The following TOX2 variants were observed in gnomAD, a reference collection of about 807,000 sequenced individuals.
TOX2 encodes granulosa cell HMG box 1.
A neutral mutation model predicts 47.4 loss-of-function variants in TOX2; 15 were observed. The observed-to-expected ratio is 0.32, with a 90% CI of 0.21 to 0.49. The LOEUF is 0.49. Among genes scored for constraint, TOX2 ranks in the 20% least tolerant of loss-of-function variants. TOX2 has a pLI of 0.99. For synonymous variants in TOX2, 290 were observed against 296.6 expected (o/e 0.98, Z 0.23); for missense variants, 622 against 673.1 (o/e 0.92, Z 0.84).
chr20:44,059,875 A>G (rs2071686291), intron 5 of TOX2, among the ~76,000 whole-genome samples: 1 of 152,214 alleles, frequency 6.6e-6, no homozygotes, highest in Admixed American at 6.5e-5. Flanking sequence ...TTGGGCAACA[A>G]ATAGCACAAC....
intron 3 of TOX2, among the ~76,000 whole-genome samples, chr20:44,022,080 AG>A (rs1368490020): frequency 6.6e-6 from 1 of 152,214 alleles, no homozygotes; most frequent in Non-Finnish European, 1.5e-5. Flanking sequence ...CCACAGCACA[AG>A]TGAGCAATGG....
At chr20:44,052,321 A>G (rs181541644) in intron 4 of TOX2, among the ~76,000 whole-genome samples, 11 of 152,330 alleles carry the variant, frequency 7.2e-5, no homozygotes, top group Non-Finnish European at 1.5e-4. Context: ...GTGAGAGAAC[A>G]TCTTGTCTTA....
rs768565328 is a variant in TOX2, at chr20:44,065,867, C to G, written c.1116C>G (p.Ser372Arg). 1.2e-6 allele frequency: 2 copies of G among 1,613,526 alleles called. No homozygotes were observed. Among genetic ancestry groups the G allele is most frequent in the Admixed American group, 3.3e-5 (2 of 59,976 alleles). ...QAFRSGASPA[S>R]LARTLGSKSL... ...TCCGCAGTGGGGCCTCCCCTGCCAG[C>G]CTCGCCCGGACGCTGGGCTCCAAGT... The change falls in exon 7 of 9, where the codon AGC becomes AGG. Residue 372 changes from serine to arginine, a missense_variant. Around this residue, in one of 3 missense-constraint regions of TOX2, gnomAD observed 294 missense variants for 300.0 expected, o/e 0.98. Coordinates refer to ENST00000341197, the MANE Select transcript of TOX2 (RefSeq NM_001098797.2).
At chr20:43,937,186 A>G (rs2069337290) in intron 1 of TOX2, among the ~76,000 whole-genome samples, 1 of 152,188 alleles carries the variant, frequency 6.6e-6, no homozygotes, top group Non-Finnish European at 1.5e-5. Context: ...CAGGCAGGGA[A>G]GAGCACGCGC....
intron 3 of TOX2, among the ~76,000 whole-genome samples, chr20:44,026,228 G>T (rs1302704031): frequency 1.8e-4 from 11 of 60,254 alleles, no homozygotes; most frequent in Admixed American, 7.9e-4. Context: ...AAGAAACTGT[G>T]ATATATATAT....
chr20:44,059,476 T>C (rs1326047118), intron 5 of TOX2, among the ~76,000 whole-genome samples: 2 of 152,196 alleles, frequency 1.3e-5, no homozygotes, highest in African/African-American at 4.8e-5. Flanking sequence ...TCCCTGGCCT[T>C]GCTAGAGATC....
intron 3 of TOX2, among the ~76,000 whole-genome samples, chr20:44,041,503 G>T (rs1055528318): frequency 2.6e-5 from 4 of 152,116 alleles, no homozygotes; most frequent in Non-Finnish European, 4.4e-5. Flanking sequence ...CCATGTTTTT[G>T]CTGGTTTTTA....
chr20:43,999,471 T>A (rs1326913445), intron 2 of TOX2, among the ~76,000 whole-genome samples: 3 of 152,056 alleles, frequency 2.0e-5, no homozygotes, highest in Non-Finnish European at 4.4e-5. Context: ...TAAAAAAAAA[T>A]TCCATATATA....
intron 2 of TOX2, among the ~76,000 whole-genome samples, chr20:44,006,215 G>C (rs1382192833): frequency 6.6e-6 from 1 of 152,174 alleles, no homozygotes; most frequent in African/African-American, 2.4e-5. Context: ...CTGTGAAATG[G>C]GTGGGCAGGA....
intron 3 of TOX2, among the ~76,000 whole-genome samples, chr20:44,022,094 G>A (rs1024776987): frequency 1.3e-5 from 2 of 152,220 alleles, no homozygotes; most frequent in African/African-American, 2.4e-5. Flanking sequence ...AGCAATGGCC[G>A]GCCGATGACG....
At chr20:44,015,425 G>C (rs2070862858) in intron 3 of TOX2, among the ~76,000 whole-genome samples, 1 of 152,090 alleles carries the variant, frequency 6.6e-6, no homozygotes, top group Non-Finnish European at 1.5e-5. Flanking sequence ...AATCATTATG[G>C]AAACAGAGAC....
At chr20:44,054,555 C>A (rs1432396588) in intron 5 of TOX2, 29 bp downstream of exon 5, 2 of 1,601,190 alleles carry the variant, frequency 1.2e-6, no homozygotes, top group Non-Finnish European at 1.7e-6. Flanking sequence ...CTGGGCCATC[C>A]CCTGAGGCTT....
chr20:44,036,172 C>T (rs867627085), intron 3 of TOX2, among the ~76,000 whole-genome samples: 8 of 152,154 alleles, frequency 5.3e-5, no homozygotes, highest in Middle Eastern at 6.3e-3. Flanking sequence ...CTGAGGGGGC[C>T]GTCGGGCCGT....
At chr20:43,943,833 G>A (rs900571490) in intron 1 of TOX2, among the ~76,000 whole-genome samples, 6 of 147,926 alleles carry the variant, frequency 4.1e-5, no homozygotes, top group East Asian at 2.0e-4. Flanking sequence ...TTTCAAGGCC[G>A]CATAGTATTC....
chr20:44,038,839 A>G (rs917771711), intron 3 of TOX2, among the ~76,000 whole-genome samples: 2 of 152,150 alleles, frequency 1.3e-5, no homozygotes, highest in Non-Finnish European at 2.9e-5. Context: ...CTCCATAGAG[A>G]CTGCAAATGG....
intron 1 of TOX2, among the ~76,000 whole-genome samples, chr20:43,928,997 A>AAAAAAAAAAAAAACAAC (rs540054093): frequency 6.7e-6 from 1 of 149,558 alleles, no homozygotes; most frequent in African/African-American, 2.5e-5. Context: ...AAAAAAAAAA[A>AAAAAAAAAAAAAACAAC]AACAACAACA....
At chr20:44,027,984 G>A (rs1394460700) in intron 3 of TOX2, among the ~76,000 whole-genome samples, 1 of 152,192 alleles carries the variant, frequency 6.6e-6, no homozygotes, top group Non-Finnish European at 1.5e-5. Context: ...CAGACCTCGG[G>A]CTGGGCACTG....
chr20:43,947,357 G>A (rs2069491124), intron 1 of TOX2, among the ~76,000 whole-genome samples: 1 of 152,220 alleles, frequency 6.6e-6, no homozygotes, highest in African/African-American at 2.4e-5. Context: ...ATGCACACAT[G>A]CACGTGTGCA....
intron 3 of TOX2, among the ~76,000 whole-genome samples, chr20:44,020,670 G>A (rs2070961552): frequency 6.6e-6 from 1 of 152,096 alleles, no homozygotes; most frequent in African/African-American, 2.4e-5. Context: ...CAGATTCTCA[G>A]GCCCCTCCCT....
Sources: gnomAD v4.1 joint callset for allele counts (sites outside exome capture counted in the v4.1 genomes callset) on GRCh38, gnomAD v4.1.1 for gene constraint, gnomAD v4.1.1 regional missense constraint, MANE v1.5 for transcripts, NCBI Gene and HGNC (gene_info 2026-07-23, HGNC 2026-07-21) for gene names.